The following POLQ variants were observed in gnomAD, a reference collection of about 807,000 sequenced individuals.
POLQ encodes DNA polymerase theta.
POLQ carries 233 observed loss-of-function variants against 259.2 expected under a neutral mutation model. The observed-to-expected ratio is 0.90, with a 90% confidence interval of 0.81 to 1.00. The LOEUF (loss-of-function observed/expected upper bound fraction) is 1.00, where lower values mean the gene tolerates loss of function less well. Among genes scored for constraint, POLQ ranks in the 50% least tolerant of loss-of-function variants. The pLI is 0.00. For missense variants in POLQ, 2,871 were observed against 3,051.6 expected (o/e 0.94, Z 1.39); for synonymous variants, 1,025 against 1,048.8 (o/e 0.98, Z 0.44).
chr3:121,440,501 A>G (rs1293801835), intron 26 of POLQ, among the ~76,000 whole-genome samples: 1 of 151,988 alleles, frequency 6.6e-6, no homozygotes, highest in Non-Finnish European at 1.5e-5. Flanking sequence ...ATGCCAGGAT[A>G]ATTTTTATAT....
intron 17 of POLQ, among the ~76,000 whole-genome samples, chr3:121,484,498 T>C (rs2047994634): frequency 6.6e-6 from 1 of 152,190 alleles, no homozygotes; most frequent in South Asian, 2.1e-4. Flanking sequence ...GAAAAACCCA[T>C]AGCATGAATA....
intron 25 of POLQ, among the ~76,000 whole-genome samples, chr3:121,456,669 C>T (rs1207220615): frequency 1.3e-5 from 2 of 151,452 alleles, no homozygotes; most frequent in Non-Finnish European, 3.0e-5. Context: ...AGGAATCCAA[C>T]TTACAAGGGA....
chr3:121,489,829 CT>C lies in POLQ; in HGVS notation c.3101del (p.Lys1034ArgfsTer2). The C allele has an allele frequency of 6.2e-7, 1 of 1,612,042 alleles. No individual in the cohort carries two copies. The highest frequency in any genetic ancestry group is 8.5e-7 in the Non-Finnish European group (1 of 1,179,594). On this transcript the variant is annotated frameshift_variant, in exon 16 of 30. Coordinates refer to ENST00000264233, the MANE Select transcript of POLQ (RefSeq NM_199420.4). LOFTEE classifies it high-confidence loss of function. Reference sequence around the variant, plus strand: ...TCCAAGATCGAAAACTTCTGCTCATCTTTTCTGAATTGAAATTCAAAGGTGC... The same window carrying C: ...TCCAAGATCGAAAACTTCTGCTCATCTTTCTGAATTGAAATTCAAAGGTGC... Reference protein sequence around the residue: ...KKAPLNFNSEKMSRSFRSWKR... With the variant: ...KKAPLNFNSEXMSRSFRSWKR...
chr3:121,514,926 G>A (rs1053314425), intron 9 of POLQ, among the ~76,000 whole-genome samples: 4 of 152,182 alleles, frequency 2.6e-5, no homozygotes, highest in African/African-American at 9.7e-5. Flanking sequence ...GAAAGGAGAT[G>A]ACCATCACAG....
intron 17 of POLQ, 136 bp from the exon 18 acceptor site, chr3:121,483,718 T>C: frequency 1.8e-6 from 1 of 559,720 alleles, no homozygotes; most frequent in East Asian, 3.0e-5. Flanking sequence ...TGACGAGTAA[T>C]TCAGCATCTT....
chr3:121,460,084 G>A lies in POLQ; in HGVS notation c.7118C>T (p.Ser2373Phe). ...CTGCTGCCTCAGATCATCCCCAACAGACTCTGGCTCAATCATCTTCCACTC... is the reference window on the plus strand; with the variant it reads ...CTGCTGCCTCAGATCATCCCCAACAAACTCTGGCTCAATCATCTTCCACTC... Reference protein sequence around the residue: ...AAEWKMIEPESVGDDLRQQAK... With the variant: ...AAEWKMIEPEFVGDDLRQQAK... Residue 2373 changes from serine to phenylalanine, a missense_variant, in exon 25 of 30, where the codon TCT becomes TTT. This residue lies in a region of POLQ where 2,080 missense variants were observed against 2,126.0 expected (regional missense o/e 0.98). Transcript: ENST00000264233. 1 of 1,614,014 alleles carries A rather than the reference G, an allele frequency of 6.2e-7. No individual in the cohort carries two copies. Among genetic ancestry groups the A allele is most frequent in the Non-Finnish European group, 8.5e-7 (1 of 1,179,934 alleles).
At position 121,451,305 on chromosome 3, in the gene POLQ, G is replaced by A. The variant is rs984723400; in HGVS notation, c.7153-1879C>T. ...TCTCAACTTGTCAAAGTTATTCTCC[G>A]TCCAGCTTTGTTCCATTGCTGGCGA... On this transcript the variant is annotated intron_variant, in intron 25 of 29. Transcript: ENST00000264233. Among the ~76,000 whole-genome samples the A allele has an allele frequency of 9.2e-5, 14 of 152,118 alleles. 1 individual carries two copies. Among genetic ancestry groups the A allele is most frequent in the Admixed American group, 3.9e-4 (6 of 15,278 alleles).
chr3:121,447,567 A>G (rs1293400613), intron 26 of POLQ, among the ~76,000 whole-genome samples: 1 of 152,128 alleles, frequency 6.6e-6, no homozygotes, highest in Non-Finnish European at 1.5e-5. Context: ...CTTTCTATTT[A>G]AGATAATAGT....
chr3:121,467,396 C>T (rs557751774), intron 24 of POLQ, 123 bp downstream of exon 24: 15 of 906,352 alleles, frequency 1.7e-5, no homozygotes, highest in African/African-American at 6.7e-5. Context: ...CAGGCTCCAC[C>T]GTAGACAGAA....
chr3:121,505,846 TA>T (rs35298276), intron 12 of POLQ, among the ~76,000 whole-genome samples: 77,844 of 126,212 alleles, frequency 0.62, 23,034 homozygotes, highest in East Asian at 0.87. Flanking sequence ...CCATCTCTAC[TA>T]AAAAAAAAAA....
chr3:121,479,987 C>T (rs1320910347), intron 19 of POLQ, among the ~76,000 whole-genome samples: 1 of 151,668 alleles, frequency 6.6e-6, no homozygotes, highest in Non-Finnish European at 1.5e-5. Flanking sequence ...CTTCAAGTGA[C>T]ATTAAATAAT....
At chr3:121,492,553 T>C (rs2048077273) in intron 15 of POLQ, among the ~76,000 whole-genome samples, 1 of 151,868 alleles carries the variant, frequency 6.6e-6, no homozygotes, top group African/African-American at 2.4e-5. Flanking sequence ...TGAAATCACA[T>C]CAAAATTATC....
Position 121,489,035 on chromosome 3 carries a change from G to A in POLQ, c.3896C>T (p.Thr1299Ile). The A allele has an allele frequency of 1.2e-6, 2 of 1,613,098 alleles. No individual in the cohort carries two copies. Among genetic ancestry groups the A allele is most frequent in the African/African-American group, 1.3e-5 (1 of 74,954 alleles). The change falls in exon 16 of 30, where the codon ACA becomes ATA. Residue 1299 changes from threonine (T) to isoleucine (I), a missense_variant. By Grantham distance (89) the Thr-to-Ile change is moderately conservative (BLOSUM62 -1). Coordinates refer to ENST00000264233, the MANE Select transcript of POLQ (RefSeq NM_199420.4). ...SRLQEKTGTYTTNKTKNNHVS... is the reference protein window; with the variant it reads ...SRLQEKTGTYITNKTKNNHVS... ...ATGATTATTTTTAGTTTTGTTTGTT[G>A]TATAAGTACCTGTTTTTTCTTGTAG...
intron 23 of POLQ, 110 bp downstream of exon 23, chr3:121,468,195 T>C (rs2047854107): frequency 1.1e-6 from 1 of 884,588 alleles, no homozygotes. Context: ...GAAATGGGTA[T>C]GTCTGAAACA....
At chr3:121,525,968 T>C (rs2048370887) in intron 7 of POLQ, among the ~76,000 whole-genome samples, 2 of 152,182 alleles carry the variant, frequency 1.3e-5, no homozygotes, top group South Asian at 2.1e-4. Context: ...TTTCACAATC[T>C]TTTTCATGAT....
intron 7 of POLQ, among the ~76,000 whole-genome samples, chr3:121,526,269 A>G (rs1462764617): frequency 1.3e-5 from 2 of 152,218 alleles, no homozygotes; most frequent in African/African-American, 4.8e-5. Flanking sequence ...CATCGATGAA[A>G]CGAATCCAGA....
At position 121,481,736 on chromosome 3, in the gene POLQ, T is replaced by C; in HGVS notation, c.6047A>G (p.Glu2016Gly). The C allele has an allele frequency of 6.2e-7, 1 of 1,613,990 alleles. No individual in the cohort carries two copies. Among genetic ancestry groups the C allele is most frequent in the African/African-American group, 1.3e-5 (1 of 75,022 alleles). The change falls in exon 19 of 30, where the codon GAG becomes GGG. Residue 2016 changes from glutamate (E) to glycine (G), a missense_variant. Coordinates refer to ENST00000264233, the MANE Select transcript of POLQ (RefSeq NM_199420.4). Reference sequence around the variant, plus strand: ...CTCCATCCCTTCTAGGAGTGGAAGCTCATGAGGAAGAAAACTGGTAACTAT... The same window carrying C: ...CTCCATCCCTTCTAGGAGTGGAAGCCCATGAGGAAGAAAACTGGTAACTAT... ...HSIVTSFLPH[E>G]LPLLEGMETS...
At chr3:121,536,471 T>TA (rs899892144) in intron 5 of POLQ, among the ~76,000 whole-genome samples, 2 of 152,080 alleles carry the variant, frequency 1.3e-5, no homozygotes, top group Non-Finnish European at 2.9e-5. Flanking sequence ...AAGTGAGGGC[T>TA]AAAAAAATAA....
intron 9 of POLQ, among the ~76,000 whole-genome samples, chr3:121,512,596 C>G (rs929927876): frequency 6.6e-6 from 1 of 152,190 alleles, no homozygotes; most frequent in African/African-American, 2.4e-5. Context: ...AACAGTTTCT[C>G]AGGTCTTCAA....
Sources: allele counts gnomAD v4.1 joint callset (sites outside exome capture counted in the v4.1 genomes callset), GRCh38; gene constraint gnomAD v4.1.1; regional missense constraint gnomAD v4.1.1; transcripts MANE v1.5; gene names NCBI Gene and HGNC (gene_info 2026-07-23, HGNC 2026-07-21).